IRAG2: variants seen among roughly 807,000 people sequenced by gnomAD.
IRAG2 encodes the protein lymphoid restricted membrane protein.
A neutral mutation model predicts 69.9 loss-of-function variants in IRAG2; 45 were observed. That is an observed-to-expected ratio of 0.64 (90% CI 0.51 to 0.83). IRAG2 has a LOEUF of 0.83. Ranked by LOEUF, IRAG2 falls within the 40% of genes least tolerant of loss-of-function variation. The pLI is 0.00. For missense variants in IRAG2, 520 were observed against 587.0 expected (o/e 0.89, Z 1.18); for synonymous variants, 193 against 202.4 (o/e 0.95, Z 0.40).
chr12:25,097,185 G>A, intron 15 of IRAG2, 141 bp downstream of exon 15: 2 of 622,728 alleles, frequency 3.2e-6, no homozygotes, highest in Admixed American at 3.8e-5. Flanking sequence ...ATACATATGT[G>A]TTTAATACAG....
intron 11 of IRAG2, among the ~76,000 whole-genome samples, chr12:25,088,904 T>C (rs761572520): frequency 6.6e-6 from 1 of 151,934 alleles, no homozygotes; most frequent in Non-Finnish European, 1.5e-5. Flanking sequence ...AGTTAGTTAC[T>C]ATTATAAAAA....
chr12:25,040,142 T>G (rs1944735985), intron 16 of IRAG2, among the ~76,000 whole-genome samples: 1 of 152,252 alleles, frequency 6.6e-6, no homozygotes, highest in Non-Finnish European at 1.5e-5. Context: ...CTCTGGCTTT[T>G]GGACACAATT....
the IRAG2 span, among the ~76,000 whole-genome samples, chr12:24,998,596 C>G: frequency 6.6e-6 from 1 of 152,208 alleles, no homozygotes; most frequent in Admixed American, 6.5e-5. Flanking sequence ...GATGTTTCTT[C>G]TTAGGTTTTG....
In IRAG2 at chr12:25,079,450, A is replaced by G. The variant is rs758538532; in HGVS notation, c.124A>G (p.Ile42Val). 5 of 1,612,762 alleles carry G rather than the reference A, an allele frequency of 3.1e-6. No homozygotes were observed. The highest frequency in any genetic ancestry group is 4.2e-6 in the Non-Finnish European group (5 of 1,178,838). Residue 42 changes from isoleucine (I) to valine (V), a missense_variant, in exon 8 of 22, where the codon ATA becomes GTA. By Grantham distance (29) the Ile-to-Val change is conservative. Coordinates refer to ENST00000556887, the MANE Select transcript of IRAG2 (RefSeq NM_001366544.2). ...PRHTSSTDGT[I>V]TSSDPGLEIL... is the part of the protein sequence containing the mutation. ...ACACACTTCATCGACAGACGGTACT[A>G]TAACTTCAAGTGGTAAGTGGATTTG... is the stretch of plus-strand genomic sequence containing the variant.
At chr12:25,013,350 C>A (rs914120305) in intron 3 of IRAG2, among the ~76,000 whole-genome samples, 2 of 152,004 alleles carry the variant, frequency 1.3e-5, no homozygotes, top group African/African-American at 4.8e-5. Flanking sequence ...TGGTGGCATG[C>A]GCCTGTAGTC....
At chr12:25,082,255 T>C (rs910135951) in intron 9 of IRAG2, among the ~76,000 whole-genome samples, 4 of 152,182 alleles carry the variant, frequency 2.6e-5, no homozygotes, top group African/African-American at 9.7e-5. Flanking sequence ...TTTTTACGCT[T>C]TTTGATTTAT....
rs372489212 is a variant in IRAG2 at position 25,079,392 on chromosome 12, T to C, written c.72-6T>C. 1.2e-6 allele frequency: 2 copies of C among 1,613,584 alleles called. No individual in the cohort carries two copies. The highest frequency in any genetic ancestry group is 1.7e-6 in the Non-Finnish European group (2 of 1,179,500). ...TTCCAAAACATGTTTGCTATCTTTT[T>C]GGCAGGGAATATTCCTCACTACCAT... On this transcript the variant is annotated splice_polypyrimidine_tract_variant and splice_region_variant and intron_variant, in intron 7 of 21. Coordinates refer to ENST00000556887, the MANE Select transcript of IRAG2 (RefSeq NM_001366544.2).
the IRAG2 span, among the ~76,000 whole-genome samples, chr12:24,999,064 T>C: frequency 6.6e-6 from 1 of 152,222 alleles, no homozygotes; most frequent in South Asian, 2.1e-4. Flanking sequence ...TTCTTAGTGA[T>C]TGAATAATAT....
chr12:25,108,232 TG>T lies in IRAG2; in HGVS notation c.*176del, dbSNP rs1181104135. On this transcript the variant is annotated 3_prime_UTR_variant, in exon 22 of 22. Transcript: ENST00000556887. ...CTTTATCTCCCCAACTAAAATACAA[TG>T]GGGAAGAAGTCTGCCTATGATCTTT... is the stretch of plus-strand genomic sequence containing the variant. 1.0e-5 allele frequency: 7 copies of T among 668,092 alleles called. No individual in the cohort carries two copies. The African/African-American group carries it at 1.3e-4, about 12-fold the overall frequency. 41.4% of individuals were successfully genotyped at this position (668,092 alleles called of 1,614,324 possible). A position where few individuals can be genotyped will look rare whatever the true frequency, so the allele number is the denominator to read the frequency against.
At chr12:25,049,144 T>C (rs925301956), upstream of IRAG2, among the ~76,000 whole-genome samples, 9 of 152,238 alleles carry the variant, frequency 5.9e-5, no homozygotes, top group Admixed American at 3.3e-4. Flanking sequence ...TTGGCTACTG[T>C]AGCCTTGTAG....
intron 5 of IRAG2, chr12:25,017,063 A>T: frequency 8.5e-7 from 1 of 1,180,042 alleles, no homozygotes; most frequent in East Asian, 3.2e-5. Flanking sequence ...GGTTTGTTTA[A>T]CCGTATACCT....
chr12:25,038,805 T>C (rs550153992), intron 16 of IRAG2, among the ~76,000 whole-genome samples: 134 of 152,312 alleles, frequency 8.8e-4, no homozygotes, highest in African/African-American at 3.1e-3. Flanking sequence ...ATAAAGTGAA[T>C]TGACTAAGAC....
chr12:25,098,795 C>T (rs770675732), intron 15 of IRAG2, among the ~76,000 whole-genome samples: 3 of 152,216 alleles, frequency 2.0e-5, no homozygotes, highest in Non-Finnish European at 1.5e-5. Flanking sequence ...CAGTCTCCCT[C>T]CTCCCACGTT....
intron 9 of IRAG2, among the ~76,000 whole-genome samples, chr12:25,082,867 C>T (rs1947320021): frequency 6.6e-6 from 1 of 152,050 alleles, no homozygotes; most frequent in Non-Finnish European, 1.5e-5. Context: ...GAATAATTAT[C>T]CGGTACATTT....
At chr12:25,065,101 A>AG (rs397765280) in intron 4 of IRAG2, among the ~76,000 whole-genome samples, 1 of 141,496 alleles carries the variant, frequency 7.1e-6, no homozygotes, top group African/African-American at 2.6e-5. Flanking sequence ...AAAAAAAAAA[A>AG]GAGAGAGAGA....
intron 20 of IRAG2, among the ~76,000 whole-genome samples, chr12:25,105,329 G>A (rs1301147584): frequency 6.6e-6 from 1 of 152,116 alleles, no homozygotes; most frequent in African/African-American, 2.4e-5. Context: ...GCCCGCCTCG[G>A]CCTCCCAAAG....
chr12:25,019,391 G>T (rs926809757), intron 6 of IRAG2, among the ~76,000 whole-genome samples: 1 of 152,100 alleles, frequency 6.6e-6, no homozygotes, highest in Admixed American at 6.5e-5. Flanking sequence ...ATCGAGTGGT[G>T]GAAGTGGCTC....
chr12:25,087,720 C>T lies in IRAG2; in HGVS notation c.316-380C>T, dbSNP rs531064867. On this transcript the variant is annotated intron_variant, in intron 10 of 21. Coordinates refer to ENST00000556887, the MANE Select transcript of IRAG2 (RefSeq NM_001366544.2). ...CCATTCGAGGCTGTTAGGAATTGCGCCGCACAGCAGGAGGTGAGCGGCAGG... is the reference window on the plus strand; with the variant it reads ...CCATTCGAGGCTGTTAGGAATTGCGTCGCACAGCAGGAGGTGAGCGGCAGG... 2.0e-5 allele frequency among the ~76,000 whole-genome samples: 3 copies of T among 152,236 alleles called. 1 individual carries two copies. In the East Asian group the frequency reaches 5.8e-4, roughly 29 times the overall value.
intron 15 of IRAG2, among the ~76,000 whole-genome samples, chr12:25,037,256 G>A (rs1944708883): frequency 6.7e-6 from 1 of 149,234 alleles, no homozygotes; most frequent in Admixed American, 6.6e-5. Flanking sequence ...AAAGAAAAAA[G>A]TAAACTCTGG....
Sources: gnomAD v4.1 joint callset for allele counts (sites outside exome capture counted in the v4.1 genomes callset) on GRCh38, gnomAD v4.1.1 for gene constraint, MANE v1.5 for transcripts, NCBI Gene and HGNC (gene_info 2026-07-23, HGNC 2026-07-21) for gene names.